Variants in EHMT1 observed in about 807,000 individuals in gnomAD.
EHMT1 encodes the protein histone-lysine N-methyltransferase EHMT1.
A neutral mutation model predicts 147.2 loss-of-function variants in EHMT1; 15 were observed. The observed-to-expected ratio is 0.10, with a 90% confidence interval of 0.07 to 0.16. EHMT1 has a LOEUF of 0.16. Ranked by LOEUF, EHMT1 falls within the 10% of genes least tolerant of loss-of-function variation. The probability of loss-of-function intolerance (pLI) is 1.00; values close to 1 mark genes in which losing one functional copy is unlikely to be tolerated. For missense variants in EHMT1, 1,587 were observed against 1,772.4 expected, an observed-to-expected ratio of 0.90 and a Z score of 1.88; for synonymous variants, 795 against 709.6, an observed-to-expected ratio of 1.12 and a Z score of -1.91.
chr9:137,691,759 A>G (rs1942954792), intron 1 of EHMT1, among the ~76,000 whole-genome samples: 1 of 152,146 alleles, frequency 6.6e-6, no homozygotes, highest in Non-Finnish European at 1.5e-5. Flanking sequence ...CGTCCTTGCC[A>G]GCACTTGTAA....
At chr9:137,655,545 G>A (rs1032661698) in intron 1 of EHMT1, among the ~76,000 whole-genome samples, 11 of 152,200 alleles carry the variant, frequency 7.2e-5, no homozygotes, top group African/African-American at 2.4e-4. Flanking sequence ...CCATTTACAT[G>A]AAGATGCTAA....
chr9:137,792,415 G>C (rs75485587), intron 16 of EHMT1, among the ~76,000 whole-genome samples: 66 of 152,310 alleles, frequency 4.3e-4, no homozygotes, highest in African/African-American at 1.6e-3. Context: ...AAAATTAATG[G>C]AAAATACAGC....
intron 4 of EHMT1, among the ~76,000 whole-genome samples, chr9:137,741,899 T>C (rs1351856976): frequency 6.6e-6 from 1 of 152,212 alleles, no homozygotes; most frequent in African/African-American, 2.4e-5. Flanking sequence ...TCTGATTAAA[T>C]CCAGGCCTCC....
At chr9:137,760,053 C>T (rs1171422543) in intron 9 of EHMT1, among the ~76,000 whole-genome samples, 1 of 152,168 alleles carries the variant, frequency 6.6e-6, no homozygotes, top group Non-Finnish European at 1.5e-5. Flanking sequence ...GGCTGAATGG[C>T]GATGTCACCC....
At chr9:137,816,181 C>G in intron 23 of EHMT1, 119 bp downstream of exon 23, 1 of 901,116 alleles carries the variant, frequency 1.1e-6, no homozygotes, top group Non-Finnish European at 1.8e-6. Flanking sequence ...TGTGTGTTTG[C>G]AGATAGAGCC....
chr9:137,648,911 G>A (rs1845103434), intron 1 of EHMT1, among the ~76,000 whole-genome samples: 1 of 152,152 alleles, frequency 6.6e-6, no homozygotes, highest in Non-Finnish European at 1.5e-5. Context: ...GCCCTGCTTG[G>A]ATTATAGTAG....
rs747768578 is a variant in EHMT1, at chr9:137,798,928, C to T, written c.2607+14C>T. 1.9e-6 allele frequency: 3 copies of T among 1,597,026 alleles called. No homozygotes were observed. Among genetic ancestry groups the T allele is most frequent in the Non-Finnish European group, 1.7e-6 (2 of 1,164,762 alleles). On this transcript the variant is annotated intron_variant, in intron 17 of 26. Transcript: ENST00000460843. ...GTCAACTGTCAGGTACAGCCACCCC[C>T]TCCCCTTAGCAGTACACTGTGTGGA...
intron 8 of EHMT1, among the ~76,000 whole-genome samples, chr9:137,757,655 A>G (rs1369155606): frequency 6.6e-6 from 1 of 152,198 alleles, no homozygotes; most frequent in Non-Finnish European, 1.5e-5. Context: ...CTCCTCCCCC[A>G]TGAATATTAT....
intron 10 of EHMT1, among the ~76,000 whole-genome samples, chr9:137,765,534 C>T (rs1013008017): frequency 3.3e-5 from 5 of 152,210 alleles, no homozygotes; most frequent in South Asian, 2.1e-4. Flanking sequence ...TTAAATGAAA[C>T]GTAGATCCCG....
chr9:137,737,823 T>C, intron 4 of EHMT1, among the ~76,000 whole-genome samples: 1 of 152,288 alleles, frequency 6.6e-6, no homozygotes, highest in Non-Finnish European at 1.5e-5. Flanking sequence ...GCAAATCCTA[T>C]GTCTGATGAG....
At chr9:137,833,672 G>A (rs1259621735) in intron 25 of EHMT1, among the ~76,000 whole-genome samples, 4 of 152,260 alleles carry the variant, frequency 2.6e-5, no homozygotes, top group Admixed American at 6.5e-5. Context: ...CAGGGGCCAG[G>A]GCCCAGGGCC....
At chr9:137,708,113 C>T (rs1485571528) in intron 1 of EHMT1, among the ~76,000 whole-genome samples, 1 of 152,150 alleles carries the variant, frequency 6.6e-6, no homozygotes, top group East Asian at 1.9e-4. Context: ...TTAGGGAATA[C>T]AGCAGTTTCT....
chr9:137,824,042 T>C (rs1955642174), intron 25 of EHMT1, among the ~76,000 whole-genome samples: 1 of 152,246 alleles, frequency 6.6e-6, no homozygotes, highest in African/African-American at 2.4e-5. Context: ...TTACTTTCCA[T>C]GTCCTAAGAA....
At chr9:137,651,092 T>C (rs995922332) in intron 1 of EHMT1, 1 of 151,996 alleles carries the variant, frequency 6.6e-6, no homozygotes, top group Non-Finnish European at 1.5e-5. Context: ...ACCACCAGTG[T>C]TGACGATGAT....
intron 1 of EHMT1, among the ~76,000 whole-genome samples, chr9:137,640,410 G>C (rs1372540785): frequency 6.6e-6 from 1 of 152,044 alleles, no homozygotes; most frequent in Non-Finnish European, 1.5e-5. Context: ...CTGATCAGCT[G>C]GGACCACTGG....
chr9:137,814,866 G>A (rs1393176458), intron 22 of EHMT1: 4 of 436,300 alleles, frequency 9.2e-6, no homozygotes, highest in South Asian at 4.3e-5. Context: ...GGGGTGTGAA[G>A]AGGGAGGGTG....
At chr9:137,749,564 T>C (rs1055582999) in intron 6 of EHMT1, among the ~76,000 whole-genome samples, 1 of 152,170 alleles carries the variant, frequency 6.6e-6, no homozygotes, top group Non-Finnish European at 1.5e-5. Flanking sequence ...CTTCCCAAAG[T>C]GCTGGGATTC....
At chr9:137,678,086 T>G (rs1175580975) in intron 1 of EHMT1, among the ~76,000 whole-genome samples, 1 of 151,962 alleles carries the variant, frequency 6.6e-6, no homozygotes, top group Non-Finnish European at 1.5e-5. Flanking sequence ...ATAATAATAA[T>G]AATAATGTTG....
At chr9:137,830,663 C>T (rs1260922660) in intron 25 of EHMT1, among the ~76,000 whole-genome samples, 1 of 152,218 alleles carries the variant, frequency 6.6e-6, no homozygotes, top group Non-Finnish European at 1.5e-5. Flanking sequence ...GAACATGTCC[C>T]ATGGAAGCTG....
Sources: allele counts gnomAD v4.1 joint callset (sites outside exome capture counted in the v4.1 genomes callset), GRCh38; gene constraint gnomAD v4.1.1; transcripts MANE v1.5; gene names NCBI Gene and HGNC (gene_info 2026-07-23, HGNC 2026-07-21).